Variants in MYLK3 observed in about 807,000 individuals in gnomAD.
MYLK3 encodes the protein myosin light chain kinase 3.
A neutral mutation model predicts 76.3 loss-of-function variants in MYLK3; 55 were observed. The ratio of observed to expected loss-of-function variants is 0.72; its 90% CI spans 0.58 to 0.90. The LOEUF is 0.90. Among genes scored for constraint, MYLK3 ranks in the 40% least tolerant of loss-of-function variants. MYLK3 has a pLI of 0.00. For missense variants in MYLK3, 973 were observed against 1,053.6 expected, an observed-to-expected ratio of 0.92 and a Z score of 1.06; for synonymous variants, 416 against 425.4, an observed-to-expected ratio of 0.98 and a Z score of 0.27.
Position 46,707,607 on chromosome 16 carries a change from T to G in MYLK3, c.*97A>C. On this transcript the variant is annotated 3_prime_UTR_variant, in exon 13 of 13. Transcript: ENST00000394809. ...TTTACAAAATAAGTGGAATCAATAA[T>G]ACCAAAAAGCCAAATTATTTAAATG... 1 of 823,246 alleles carries G rather than the reference T, an allele frequency of 1.2e-6. No individual in the cohort carries two copies. Among genetic ancestry groups the G allele is most frequent in the East Asian group, 2.6e-5 (1 of 38,942 alleles). The allele number at this position is 823,246 out of a possible 1,614,324, so 51.0% of individuals were successfully genotyped here.
At chr16:46,707,845 T>A in intron 12 of MYLK3, 82 bp from the exon 13 acceptor site, 2 of 994,584 alleles carry the variant, frequency 2.0e-6, no homozygotes, top group Non-Finnish European at 3.0e-6. Flanking sequence ...TAAAAGGATT[T>A]AAGTGAGTCC....
chr16:46,744,330 CTTTTTTTTTTTTTTT>C (rs71158891), intron 1 of MYLK3, among the ~76,000 whole-genome samples: 3 of 43,702 alleles, frequency 6.9e-5, no homozygotes, highest in South Asian at 1.5e-3. Flanking sequence ...CCACACCCAG[CTTTTTTTTTTTTTTT>C]TTTTTTTTTT....
chr16:46,757,528 T>TGA, intron 1 of MYLK3: 1 of 985,396 alleles, frequency 1.0e-6, no homozygotes, highest in Non-Finnish European at 1.2e-6. Context: ...ACTGTGACTG[T>TGA]GCCAACTCCG....
At chr16:46,732,183 C>T in intron 4 of MYLK3, 25 bp downstream of exon 4, 1 of 1,545,344 alleles carries the variant, frequency 6.5e-7, no homozygotes, top group Non-Finnish European at 8.7e-7. Flanking sequence ...GGGCTCGTGT[C>T]TAGCCAGGCA....
In MYLK3 at chr16:46,727,142, C is replaced by G. The variant is rs1966844285; in HGVS notation, c.1914+94G>C. The stretch of plus-strand genomic sequence containing the variant: ...AATGACAGAGAGCCAGGAATGGAAG[C>G]TGGGACTGTCTGTGGATAGAGCTCT... On this transcript the variant is annotated intron_variant, in intron 8 of 12. Transcript: ENST00000394809. 15 of 1,395,314 alleles carry G rather than the reference C, an allele frequency of 1.1e-5. No homozygotes were observed. In the South Asian group the frequency reaches 2.0e-4, roughly 19 times the overall value. 86.4% of individuals were successfully genotyped at this position (1,395,314 alleles called of 1,614,324 possible). A position where few individuals can be genotyped will look rare whatever the true frequency, so the allele number is the denominator to read the frequency against.
At chr16:46,722,051 G>A (rs1966804793) in intron 8 of MYLK3, among the ~76,000 whole-genome samples, 1 of 152,136 alleles carries the variant, frequency 6.6e-6, no homozygotes, top group Admixed American at 6.6e-5. Flanking sequence ...ATGGCATGAG[G>A]GTGGCAGCCT....
At chr16:46,731,595 G>C (rs575415883) in intron 4 of MYLK3, among the ~76,000 whole-genome samples, 1 of 152,188 alleles carries the variant, frequency 6.6e-6, no homozygotes, top group Admixed American at 6.5e-5. Context: ...TCAGACCAAG[G>C]AGGGTGTGAC....
chr16:46,759,831 T>C (rs982842128), intron 1 of MYLK3, among the ~76,000 whole-genome samples: 3 of 151,938 alleles, frequency 2.0e-5, no homozygotes, highest in Non-Finnish European at 4.4e-5. Context: ...TGGGGTTTCA[T>C]CATGTTGGCC....
At chr16:46,761,362 G>T (rs866278039) in intron 1 of MYLK3, among the ~76,000 whole-genome samples, 3 of 152,170 alleles carry the variant, frequency 2.0e-5, no homozygotes, top group African/African-American at 7.2e-5. Flanking sequence ...ACATTTTGGG[G>T]TGGGCAGTAA....
At chr16:46,756,103 T>C (rs907982052) in intron 1 of MYLK3, among the ~76,000 whole-genome samples, 2 of 152,018 alleles carry the variant, frequency 1.3e-5, no homozygotes, top group Non-Finnish European at 2.9e-5. Context: ...AGAGATGGGC[T>C]TTCACCGTGT....
intron 1 of MYLK3, among the ~76,000 whole-genome samples, chr16:46,740,883 C>T (rs1479975992): frequency 6.6e-6 from 1 of 152,154 alleles, no homozygotes; most frequent in East Asian, 1.9e-4. Context: ...TATGCCAACC[C>T]AGATCAACTG....
At chr16:46,747,450 C>T (rs558536513) in intron 1 of MYLK3, among the ~76,000 whole-genome samples, 1 of 152,326 alleles carries the variant, frequency 6.6e-6, no homozygotes, top group South Asian at 2.1e-4. Flanking sequence ...CCAGCGTGTC[C>T]CCCACAGCTA....
chr16:46,759,336 C>T lies in MYLK3; in HGVS notation c.-114+3704G>A, dbSNP rs117036277. On this transcript the variant is annotated intron_variant, in intron 1 of 11. Transcript: ENST00000536476. ...CCTGAAGCTAAATCCAGACCAACGG[C>T]CATTCATCCATCCATCCATTCATTC... 9.5e-3 allele frequency among the ~76,000 whole-genome samples: 1,448 copies of T among 152,360 alleles called. 11 individuals carry two copies. Among genetic ancestry groups the T allele is most frequent in the Non-Finnish European group, 0.015 (1,032 of 68,036 alleles).
intron 7 of MYLK3, among the ~76,000 whole-genome samples, chr16:46,727,884 G>A (rs987095863): frequency 3.9e-5 from 6 of 152,164 alleles, no homozygotes; most frequent in Non-Finnish European, 5.9e-5. Context: ...AAGATTAGGC[G>A]TGGTAAAAAG....
intron 2 of MYLK3, among the ~76,000 whole-genome samples, chr16:46,739,837 G>A (rs929488090): frequency 3.3e-5 from 5 of 152,036 alleles, no homozygotes; most frequent in Admixed American, 6.6e-5. Context: ...CCCCAACCCC[G>A]AGGTGTTCAA....
intron 8 of MYLK3, among the ~76,000 whole-genome samples, chr16:46,723,731 C>T (rs1966822433): frequency 6.7e-6 from 1 of 148,162 alleles, no homozygotes; most frequent in African/African-American, 2.5e-5. Context: ...CTCACCGCAA[C>T]CTCCACCTCC....
At chr16:46,755,906 C>CTTTTTT (rs772833701) in intron 1 of MYLK3, among the ~76,000 whole-genome samples, 86 of 109,726 alleles carry the variant, frequency 7.8e-4, no homozygotes, top group Non-Finnish European at 1.2e-3. Context: ...TTTTTTCTTT[C>CTTTTTT]TTTTTTTTTT....
chr16:46,745,904 G>A (rs745577207), intron 1 of MYLK3, among the ~76,000 whole-genome samples: 12 of 152,242 alleles, frequency 7.9e-5, no homozygotes, highest in Non-Finnish European at 1.8e-4. Context: ...CAGAATCCAC[G>A]CTTGCCTAGG....
chr16:46,760,292 C>T (rs899947451), intron 1 of MYLK3, among the ~76,000 whole-genome samples: 1 of 152,190 alleles, frequency 6.6e-6, no homozygotes, highest in African/African-American at 2.4e-5. Context: ...CAAACACACG[C>T]GCAGCTTTGG....
Sources: allele counts gnomAD v4.1 joint callset (sites outside exome capture counted in the v4.1 genomes callset), GRCh38; gene constraint gnomAD v4.1.1; transcripts MANE v1.5; gene names NCBI Gene and HGNC (gene_info 2026-07-23, HGNC 2026-07-21).